The following CAMK2G variants were observed in gnomAD, a reference collection of about 807,000 sequenced individuals.
CAMK2G encodes calcium/calmodulin dependent protein kinase II gamma.
Under a neutral mutation model 88.7 loss-of-function variants are expected in CAMK2G, and 23 were observed. The ratio of observed to expected loss-of-function variants is 0.26; its 90% CI spans 0.19 to 0.37. The LOEUF (loss-of-function observed/expected upper bound fraction) is 0.37. CAMK2G is among the 10% of genes least tolerant of loss of function. CAMK2G has a pLI of 1.00. For synonymous variants in CAMK2G, 263 were observed against 294.8 expected (o/e 0.89, Z 1.11); for missense variants, 476 against 780.8 (o/e 0.61, Z 4.65).
Position 73,848,492 on chromosome 10 carries a change from A to C in CAMK2G, c.601+34T>G. On this transcript the variant is annotated intron_variant, in intron 8 of 22. Transcript: ENST00000423381. This position sits in a 1 kb window ranked among gnomAD's most constrained non-coding sequence, Gnocchi z 4.5. ...CATCATCGGAAGTTGAGGGCCCTTA[A>C]CAGCGAAAAGCTGAGAGCGTGGAAT... The C allele has an allele frequency of 1.4e-6, 2 of 1,436,550 alleles. No individual in the cohort carries two copies. The highest frequency in any genetic ancestry group is 2.3e-5 in the South Asian group (2 of 86,456). The allele number at this position is 1,436,550 out of a possible 1,614,324, so 89.0% of individuals were successfully genotyped here.
At chr10:73,855,341 G>A (rs1367407557) in intron 3 of CAMK2G, among the ~76,000 whole-genome samples, 1 of 152,332 alleles carries the variant, frequency 6.6e-6, no homozygotes, top group East Asian at 1.9e-4. Flanking sequence ...ATAATCCCCT[G>A]GAAATCAGCT....
At chr10:73,843,466 G>A (rs2093975092) in intron 10 of CAMK2G, among the ~76,000 whole-genome samples, 2 of 152,182 alleles carry the variant, frequency 1.3e-5, no homozygotes, top group South Asian at 4.1e-4. Flanking sequence ...CAATGACTCA[G>A]CTGTCAATAC....
rs185770532 is a variant in CAMK2G at position 73,838,676 on chromosome 10, A to C, written c.1009+863T>G. On this transcript the variant is annotated intron_variant, in intron 13 of 22. Transcript: ENST00000423381. ...ACTCCAGAAAAAGACCTTTGATCTT[A>C]TCTTGTCGTGCTGGGTTTGAATGTT... Among the ~76,000 whole-genome samples the C allele has an allele frequency of 2.6e-5, 4 of 152,274 alleles. No individual in the cohort carries two copies. In the East Asian group the frequency reaches 7.7e-4, roughly 29 times the overall value.
At chr10:73,870,301 T>G (rs1396793002) in intron 2 of CAMK2G, among the ~76,000 whole-genome samples, 1 of 152,200 alleles carries the variant, frequency 6.6e-6, no homozygotes, top group Non-Finnish European at 1.5e-5. Context: ...CTATCACGGT[T>G]CTGAAGCAAA....
chr10:73,850,474 G>A (rs1218329506), intron 5 of CAMK2G, among the ~76,000 whole-genome samples: 1 of 152,176 alleles, frequency 6.6e-6, no homozygotes, highest in Non-Finnish European at 1.5e-5. Context: ...ATTTCTGGTT[G>A]TCACAACTGG....
intron 19 of CAMK2G, chr10:73,818,790 C>A (rs747874781): frequency 4.4e-6 from 2 of 456,160 alleles, no homozygotes; most frequent in Non-Finnish European, 8.8e-6. Flanking sequence ...ATCTGGATGA[C>A]CTGACTGGGG....
At chr10:73,855,181 C>T (rs568130972) in intron 3 of CAMK2G, among the ~76,000 whole-genome samples, 1 of 152,326 alleles carries the variant, frequency 6.6e-6, no homozygotes, top group South Asian at 2.1e-4. Flanking sequence ...GAAGTCCTGC[C>T]ATTGCCTCCG....
Position 73,873,023 on chromosome 10 carries a change from T to G in CAMK2G, c.126A>C (p.Ala42=), listed in dbSNP as rs767778394. The change falls in exon 2 of 23, where the codon GCA becomes GCC. Residue 42 remains alanine (A), a synonymous_variant. Transcript: ENST00000423381. The part of the protein sequence containing the change: ...VKKTSTQEYA[A]KIINTKKLSA... Reference sequence around the variant, plus strand: ...ACAACTTCTTGGTATTGATGATTTTTGCTGCGTACTCCTGCGTGGAGGTTT... The same window carrying G: ...ACAACTTCTTGGTATTGATGATTTTGGCTGCGTACTCCTGCGTGGAGGTTT... 1.9e-6 allele frequency: 3 copies of G among 1,613,610 alleles called. No homozygotes were observed. Among genetic ancestry groups the G allele is most frequent in the South Asian group, 2.2e-5 (2 of 91,046 alleles).
At chr10:73,836,558 A>C (rs1284934373) in intron 14 of CAMK2G, among the ~76,000 whole-genome samples, 1 of 152,166 alleles carries the variant, frequency 6.6e-6, no homozygotes, top group African/African-American at 2.4e-5. Context: ...ACACAGAAGC[A>C]GGCATGCAGA....
At chr10:73,829,700 G>GTGTGTGTGTGTGTGTGTGTGTGTGT (rs2092043797) in intron 14 of CAMK2G, among the ~76,000 whole-genome samples, 1 of 138,370 alleles carries the variant, frequency 7.2e-6, no homozygotes, top group African/African-American at 2.7e-5. Flanking sequence ...TAAGTAGTGG[G>GTGTGTGTGTGTGTGTGTGTGTGTGT]GTGTGTGTGT....
intron 14 of CAMK2G, among the ~76,000 whole-genome samples, chr10:73,832,805 T>A (rs536341447): frequency 6.6e-6 from 1 of 152,086 alleles, no homozygotes; most frequent in African/African-American, 2.4e-5. Flanking sequence ...TTTTTAAGAG[T>A]TGGGGGTCTC....
intron 10 of CAMK2G, among the ~76,000 whole-genome samples, chr10:73,845,944 T>A (rs2094209330): frequency 6.7e-6 from 1 of 149,692 alleles, no homozygotes; most frequent in African/African-American, 2.5e-5. Flanking sequence ...GGTCTGACCA[T>A]CTTTCCCAGG....
chr10:73,830,733 T>C (rs969950669), intron 14 of CAMK2G, among the ~76,000 whole-genome samples: 4 of 152,198 alleles, frequency 2.6e-5, no homozygotes, highest in African/African-American at 9.6e-5. Flanking sequence ...GCTCTTACTC[T>C]TCCATAGACC....
Position 73,815,369 on chromosome 10 carries a change from GC to G in CAMK2G, c.1535-123del, listed in dbSNP as rs57601302. ...ACCACTCCCAGAATCTCCAAGTACCGCCCCCCCCCACCCCCGAACCCCTGAA... is the reference window on the plus strand; with the variant it reads ...ACCACTCCCAGAATCTCCAAGTACCGCCCCCCCCACCCCCGAACCCCTGAA... On this transcript the variant is annotated intron_variant, in intron 21 of 22. Coordinates refer to ENST00000423381, the MANE Select transcript of CAMK2G (RefSeq NM_001367534.1). The G allele has an allele frequency of 9.3e-3, 5,843 of 628,134 alleles. 196 individuals are homozygous for G. Among genetic ancestry groups the G allele is most frequent in the African/African-American group, 0.091 (4,444 of 48,574 alleles). The allele number at this position is 628,134 out of a possible 1,614,324, so 38.9% of individuals were successfully genotyped here. A position where few individuals can be genotyped will look rare whatever the true frequency, so the allele number is the denominator to read the frequency against.
intron 4 of CAMK2G, 65 bp from the exon 5 acceptor site, chr10:73,852,384 A>G: frequency 7.6e-7 from 1 of 1,312,158 alleles, no homozygotes; most frequent in Non-Finnish European, 1.1e-6. Flanking sequence ...CCAATGTCCA[A>G]GAAGAAACAG....
At chr10:73,832,801 A>G (rs568246440) in intron 14 of CAMK2G, among the ~76,000 whole-genome samples, 1 of 152,134 alleles carries the variant, frequency 6.6e-6, no homozygotes, top group East Asian at 1.9e-4. Flanking sequence ...AACATTTTTA[A>G]GAGTTGGGGG....
In CAMK2G at chr10:73,839,439, TG is replaced by T; in HGVS notation, c.1009+99del. The T allele has an allele frequency of 1.7e-6, 1 of 588,232 alleles. No homozygotes were observed. The highest frequency in any genetic ancestry group is 2.5e-6 in the Non-Finnish European group (1 of 399,844). 36.4% of individuals were successfully genotyped at this position (588,232 alleles called of 1,614,324 possible). On this transcript the variant is annotated intron_variant, in intron 13 of 22. Coordinates refer to ENST00000423381, the MANE Select transcript of CAMK2G (RefSeq NM_001367534.1). The surrounding 1 kb of genome is among the most constrained non-coding windows in gnomAD (Gnocchi z 4.2). ...GCATGCCCATCTCAGCCCGCAAGCA[TG>T]GGACTCGCCTCCCTGGTGAGTGGGC...
chr10:73,824,613 G>A (rs1281139435), intron 16 of CAMK2G, among the ~76,000 whole-genome samples: 1 of 152,164 alleles, frequency 6.6e-6, no homozygotes, highest in Non-Finnish European at 1.5e-5. Flanking sequence ...CTGGCCCCAC[G>A]CCGCCACGTC....
chr10:73,836,759 A>C (rs2093283836), intron 14 of CAMK2G, among the ~76,000 whole-genome samples: 1 of 152,128 alleles, frequency 6.6e-6, no homozygotes, highest in South Asian at 2.1e-4. Flanking sequence ...TCTGCCCCCA[A>C]AGCATCTACA....
Sources: allele counts gnomAD v4.1 joint callset (sites outside exome capture counted in the v4.1 genomes callset), GRCh38; gene constraint gnomAD v4.1.1; non-coding constraint Gnocchi (gnomAD v3.1); transcripts MANE v1.5; gene names NCBI Gene and HGNC (gene_info 2026-07-23, HGNC 2026-07-21).